Variants in DMD observed in about 807,000 individuals in gnomAD.
The protein encoded by DMD is dystrophin.
A neutral mutation model predicts 330.1 loss-of-function variants in DMD; 63 were observed. The ratio of observed to expected loss-of-function variants is 0.19; its 90% confidence interval spans 0.16 to 0.24. DMD has a LOEUF of 0.24. Among genes scored for constraint, DMD ranks in the 10% least tolerant of loss-of-function variants. DMD has a pLI of 1.00. For missense variants in DMD, 3,344 were observed against 2,684.1 expected, an observed-to-expected ratio of 1.25 and a Z score of -5.43; for synonymous variants, 1,223 against 959.8, an observed-to-expected ratio of 1.27 and a Z score of -5.07.
At chrX:31,179,683 T>C (rs891553614) in intron 69 of DMD, among the ~76,000 whole-genome samples, 18 of 111,651 alleles carry the variant, frequency 1.6e-4, no homozygotes, top group Admixed American at 1.5e-3. Flanking sequence ...GGCCACCAAG[T>C]CTACATCCTT....
chrX:32,410,086 AATAT>A (rs1242716971), intron 30 of DMD, among the ~76,000 whole-genome samples: 1 of 111,734 alleles, frequency 8.9e-6, no homozygotes, highest in Non-Finnish European at 1.9e-5. Flanking sequence ...AAGTTTGAAA[AATAT>A]ATATACTGGA....
intron 55 of DMD, among the ~76,000 whole-genome samples, chrX:31,596,892 T>A (rs2077137778): frequency 8.9e-6 from 1 of 112,075 alleles, no homozygotes; most frequent in African/African-American, 3.2e-5. Context: ...TGAATCAGCA[T>A]CTCTGGGGTT....
intron 7 of DMD, among the ~76,000 whole-genome samples, chrX:32,716,538 C>T (rs1011206993): frequency 9.0e-6 from 1 of 111,085 alleles, no homozygotes; most frequent in African/African-American, 3.3e-5. Context: ...TATAGCAATG[C>T]GAGAAAGGAC....
At chrX:32,362,475 GTTA>G (rs1246784463) in intron 37 of DMD, among the ~76,000 whole-genome samples, 1 of 111,341 alleles carries the variant, frequency 9.0e-6, no homozygotes, top group African/African-American at 3.3e-5. Context: ...CATGCTATTT[GTTA>G]TTTTTTTCTG....
rs965760605 is a variant in DMD at position 33,056,215 on chromosome X, A to G, written c.32-36015T>C. ...TGTTCCCTTAGGTTCCTGAAAATAG[A>G]AAGTCCCGCATGGTCCTCATCAAAG... is the stretch of plus-strand genomic sequence containing the variant. On this transcript the variant is annotated intron_variant, in intron 1 of 78. Coordinates refer to ENST00000357033, the MANE Select transcript of DMD (RefSeq NM_004006.3). Among the ~76,000 whole-genome samples, 9 of 110,761 alleles carry G rather than the reference A, an allele frequency of 8.1e-5. No homozygotes were observed. The Admixed American group carries it at 8.7e-4, about 11-fold the overall frequency.
chrX:32,662,930 C>G (rs2061043797), intron 9 of DMD, among the ~76,000 whole-genome samples: 1 of 112,048 alleles, frequency 8.9e-6, no homozygotes, highest in Non-Finnish European at 1.9e-5. Flanking sequence ...AAAATATTGA[C>G]TGAATTGACT....
intron 1 of DMD, among the ~76,000 whole-genome samples, chrX:33,075,081 C>T (rs915889522): frequency 1.8e-5 from 2 of 111,785 alleles, no homozygotes; most frequent in African/African-American, 6.5e-5. Context: ...ACAAGACACG[C>T]GACTTCCCCA....
chrX:32,239,804 T>G (rs2097201310), intron 43 of DMD, among the ~76,000 whole-genome samples: 1 of 111,945 alleles, frequency 8.9e-6, no homozygotes, highest in Admixed American at 9.5e-5. Context: ...TAACCTGCTA[T>G]ACTATTAATT....
At chrX:32,783,181 A>C (rs2074991288) in intron 7 of DMD, among the ~76,000 whole-genome samples, 1 of 95,596 alleles carries the variant, frequency 1.0e-5, no homozygotes, top group Admixed American at 1.1e-4. Context: ...ATACACACAT[A>C]TATACCATAT....
intron 7 of DMD, among the ~76,000 whole-genome samples, chrX:32,705,680 T>C (rs984249045): frequency 1.8e-5 from 2 of 111,726 alleles, no homozygotes; most frequent in African/African-American, 3.3e-5. Context: ...CCACATCCTC[T>C]CCGGCACCTG....
In DMD at chrX:33,009,646, A is replaced by ATGTGTG. The variant is rs2093587107; in HGVS notation, c.93+10487_93+10492dup. On this transcript the variant is annotated intron_variant, in intron 2 of 78. Coordinates refer to ENST00000357033, the MANE Select transcript of DMD (RefSeq NM_004006.3). Reference sequence around the variant, plus strand: ...TATGTGTGTATGTGTATATACACATATGTGTGTATACGTGTATATGTGTAT... The same window carrying ATGTGTG: ...TATGTGTGTATGTGTATATACACATATGTGTGTGTGTGTATACGTGTATATGTGTAT... Among the ~76,000 whole-genome samples the ATGTGTG allele has an allele frequency of 1.3e-4, 8 of 59,456 alleles. 3 individuals carry two copies. Among genetic ancestry groups the ATGTGTG allele is most frequent in the Non-Finnish European group, 2.0e-4 (6 of 30,566 alleles). The allele number at this position is 59,456 out of a possible 115,157, so 51.6% of individuals were successfully genotyped here. A position where few individuals can be genotyped will look rare whatever the true frequency, so the allele number is the denominator to read the frequency against.
intron 44 of DMD, among the ~76,000 whole-genome samples, chrX:31,984,058 G>C (rs555215168): frequency 1.3e-4 from 15 of 111,913 alleles, no homozygotes; most frequent in African/African-American, 4.9e-4. Flanking sequence ...AAATCGGCAA[G>C]TTGTACACTT....
chrX:31,904,270 G>A (rs2149827487), intron 47 of DMD, among the ~76,000 whole-genome samples: 1 of 111,576 alleles, frequency 9.0e-6, no homozygotes, highest in South Asian at 3.7e-4. Flanking sequence ...AATTAGGTTT[G>A]GAGAATCCCA....
intron 7 of DMD, among the ~76,000 whole-genome samples, chrX:32,802,596 G>GAT (rs1320601885): frequency 9.0e-6 from 1 of 111,602 alleles, no homozygotes; most frequent in Non-Finnish European, 1.9e-5. Context: ...CATTCAGTAT[G>GAT]ATATTGGCTG....
At chrX:32,302,878 TA>T (rs1317584548) in intron 42 of DMD, among the ~76,000 whole-genome samples, 1 of 111,029 alleles carries the variant, frequency 9.0e-6, no homozygotes, top group Non-Finnish European at 1.9e-5. Flanking sequence ...AAAACAGGCC[TA>T]AATATCTTAT....
At chrX:32,141,939 T>C (rs1183883443) in intron 44 of DMD, among the ~76,000 whole-genome samples, 3 of 111,606 alleles carry the variant, frequency 2.7e-5, no homozygotes, top group Non-Finnish European at 5.6e-5. Flanking sequence ...TTTCTACAAA[T>C]AGACATTGAG....
At chrX:32,588,405 G>A (rs946696358) in intron 13 of DMD, among the ~76,000 whole-genome samples, 14 of 111,743 alleles carry the variant, frequency 1.3e-4, no homozygotes, top group Middle Eastern at 4.7e-3. Context: ...AAGCAGAGTC[G>A]TCTGTTTAAA....
At chrX:33,324,782 C>G (rs2054066832) in intron 1 of DMD, among the ~76,000 whole-genome samples, 1 of 111,669 alleles carries the variant, frequency 9.0e-6, no homozygotes, top group Non-Finnish European at 1.9e-5. Context: ...AAATGAATAT[C>G]AACATGGCAC....
chrX:32,945,339 A>C (rs1403995171), intron 2 of DMD, among the ~76,000 whole-genome samples: 1 of 111,412 alleles, frequency 9.0e-6, no homozygotes, highest in Non-Finnish European at 1.9e-5. Flanking sequence ...ATTAATATTT[A>C]ATTATTTCTA....
Sources: gnomAD v4.1 joint callset for allele counts (sites outside exome capture counted in the v4.1 genomes callset) on GRCh38, gnomAD v4.1.1 for gene constraint, MANE v1.5 for transcripts, NCBI Gene and HGNC (gene_info 2026-07-23, HGNC 2026-07-21) for gene names.